Variants in ITPR2 observed in about 807,000 individuals in gnomAD.
The protein encoded by ITPR2 is inositol 1,4,5-trisphosphate receptor type 2, also known as inositol 1,4,5-trisphosphate-gated calcium channel ITPR2.
In ITPR2, 207 loss-of-function variants were observed where a neutral mutation model predicts 317.1. The observed-to-expected ratio is 0.65, with a 90% confidence interval of 0.58 to 0.73. ITPR2 has a LOEUF of 0.73. Ranked by LOEUF, ITPR2 falls within the 30% of genes least tolerant of loss-of-function variation. The pLI is 0.00. For missense variants in ITPR2, 2,613 were observed against 3,284.0 expected, an observed-to-expected ratio of 0.80 and a Z score of 4.99; for synonymous variants, 1,156 against 1,149.1, an observed-to-expected ratio of 1.01 and a Z score of -0.12.
At chr12:26,497,459 T>C (rs1942964592) in intron 37 of ITPR2, among the ~76,000 whole-genome samples, 1 of 36,652 alleles carries the variant, frequency 2.7e-5, no homozygotes, top group Non-Finnish European at 8.8e-5. Context: ...CACAAAGCCT[T>C]CTATGTCTTA....
At chr12:26,565,394 A>G (rs12369023) in intron 34 of ITPR2, among the ~76,000 whole-genome samples, 99,458 of 151,758 alleles carry the variant, frequency 0.66, 34,177 homozygotes, top group Non-Finnish European at 0.78. Context: ...CATATTTAAA[A>G]TTATAATGAT....
chr12:26,711,563 C>G (rs1948642419), intron 8 of ITPR2, among the ~76,000 whole-genome samples: 1 of 152,094 alleles, frequency 6.6e-6, no homozygotes. Flanking sequence ...ATTTTCTTCC[C>G]TTTGTTTTTC....
chr12:26,707,627 G>C (rs1407519858), intron 9 of ITPR2, among the ~76,000 whole-genome samples: 3 of 152,162 alleles, frequency 2.0e-5, no homozygotes, highest in African/African-American at 7.2e-5. Context: ...CACCTCCCAG[G>C]TTCAAGCAAT....
intron 52 of ITPR2, 122 bp downstream of exon 52, chr12:26,411,198 C>A: frequency 1.5e-6 from 1 of 660,030 alleles, no homozygotes; most frequent in Non-Finnish European, 2.6e-6. Context: ...CTTTTACTCT[C>A]TATTCTTCTA....
intron 2 of ITPR2, among the ~76,000 whole-genome samples, chr12:26,727,453 C>G (rs1948949848): frequency 6.6e-6 from 1 of 152,214 alleles, no homozygotes; most frequent in African/African-American, 2.4e-5. Flanking sequence ...TGTTTCTCTT[C>G]ATTATTACAG....
At chr12:26,580,848 T>C (rs1945388206) in intron 32 of ITPR2, among the ~76,000 whole-genome samples, 2 of 152,192 alleles carry the variant, frequency 1.3e-5, no homozygotes, top group Non-Finnish European at 2.9e-5. Context: ...CAGTAATTGG[T>C]CATTTTGCAT....
intron 24 of ITPR2, among the ~76,000 whole-genome samples, chr12:26,622,862 G>T (rs1257106539): frequency 6.6e-6 from 1 of 152,188 alleles, no homozygotes; most frequent in Non-Finnish European, 1.5e-5. Context: ...AGTGGCCACA[G>T]GTGTGGCGTA....
chr12:26,659,352 T>A, intron 15 of ITPR2, 67 bp from the exon 16 acceptor site: 1 of 1,298,532 alleles, frequency 7.7e-7, no homozygotes, highest in South Asian at 1.3e-5. Flanking sequence ...TCTATTAGGG[T>A]CAACAACATT....
At position 26,443,617 on chromosome 12, in the gene ITPR2, G is replaced by A; in HGVS notation, c.6376C>T (p.Leu2126Phe). ...TCATCTGGATCCGATCCTGGTTTGA[G>A]CATCTGCTGCAACAGTTTATTGTGG... ...ARHNKLLQQM[L>F]KPGSDPDEGD... is the part of the protein sequence containing the mutation. The change falls in exon 46 of 57, where the codon CTC (leucine) becomes TTC (phenylalanine). Residue 2126 changes from leucine (L) to phenylalanine (F), a missense_variant. Physicochemically the swap from Leu to Phe is conservative, Grantham distance 22 (BLOSUM62 0). Around this residue, in one of 9 missense-constraint regions of ITPR2, gnomAD observed 926 missense variants for 1,072.8 expected, o/e 0.86. Coordinates refer to ENST00000381340, the MANE Select transcript of ITPR2 (RefSeq NM_002223.4). 1.2e-6 allele frequency: 2 copies of A among 1,613,098 alleles called. No individual in the cohort carries two copies. Among genetic ancestry groups the A allele is most frequent in the South Asian group, 1.1e-5 (1 of 91,058 alleles).
intron 42 of ITPR2, 25 bp from the exon 43 acceptor site, chr12:26,481,266 T>C (rs937140261): frequency 1.5e-6 from 2 of 1,323,038 alleles, no homozygotes; most frequent in Non-Finnish European, 2.2e-6. Context: ...ATTTGTAAAA[T>C]ATCATTTTAT....
In ITPR2 at chr12:26,656,442, C is replaced by T. The variant is rs1947369174; in HGVS notation, c.2299G>A (p.Asp767Asn). 6.2e-7 allele frequency: 1 copy of T among 1,614,214 alleles called. No individual in the cohort carries two copies. The highest frequency in any genetic ancestry group is 1.3e-5 in the African/African-American group (1 of 75,068). The change falls in exon 19 of 57, where the codon GAT (aspartate) becomes AAT (asparagine). Residue 767 changes from aspartate to asparagine, a missense_variant. Physicochemically the swap from Asp to Asn is conservative, Grantham distance 23. Transcript: ENST00000381340. The part of the protein sequence containing the change: ...SVDLILRCVS[D>N]ESLPFDLRAS... ...CGGAGGTCGAACGGCAGGCTCTCAT[C>T]CGACACACACCGCAGGATCAGGTCT...
At chr12:26,568,703 A>G (rs1049246059) in intron 34 of ITPR2, among the ~76,000 whole-genome samples, 16 of 152,200 alleles carry the variant, frequency 1.1e-4, no homozygotes, top group African/African-American at 3.6e-4. Context: ...AAGTGTAAGC[A>G]TTAATTAGAA....
chr12:26,623,388 A>G (rs188045603), intron 24 of ITPR2: 1 of 152,334 alleles, frequency 6.6e-6, no homozygotes, highest in East Asian at 1.9e-4. Context: ...CTGCAGGGTC[A>G]CAGAGCTTGT....
chr12:26,561,967 T>C lies in ITPR2; in HGVS notation c.4631-15A>G. ...ACGATTTTTTGCTGAAAAAGAAAGA[T>C]TTAAAATATTTCCCTCTTAATTTGA... On this transcript the variant is annotated splice_polypyrimidine_tract_variant and intron_variant, in intron 34 of 56. Transcript: ENST00000381340. 6.7e-7 allele frequency: 1 copy of C among 1,492,664 alleles called. No homozygotes were observed. The highest frequency in any genetic ancestry group is 1.4e-5 in the South Asian group (1 of 71,136). The allele number at this position is 1,492,664 out of a possible 1,614,324, so 92.5% of individuals were successfully genotyped here. A position where few individuals can be genotyped will look rare whatever the true frequency, so the allele number is the denominator to read the frequency against.
At chr12:26,704,755 C>T (rs1948520292) in intron 9 of ITPR2, among the ~76,000 whole-genome samples, 1 of 152,098 alleles carries the variant, frequency 6.6e-6, no homozygotes, top group African/African-American at 2.4e-5. Context: ...AATATACATT[C>T]TTAACTTTTT....
chr12:26,620,874 G>A (rs1419486808), intron 26 of ITPR2, among the ~76,000 whole-genome samples: 3 of 152,034 alleles, frequency 2.0e-5, no homozygotes, highest in Non-Finnish European at 4.4e-5. Flanking sequence ...CTGAATTATA[G>A]AATTTACCGT....
At chr12:26,702,260 T>A (rs148649191) in intron 9 of ITPR2, among the ~76,000 whole-genome samples, 22 of 152,164 alleles carry the variant, frequency 1.4e-4, no homozygotes, top group African/African-American at 5.3e-4. Context: ...GAAACCAACA[T>A]TGCAAGAGAA....
At chr12:26,600,311 T>G (rs1286430248) in intron 28 of ITPR2, among the ~76,000 whole-genome samples, 1 of 152,132 alleles carries the variant, frequency 6.6e-6, no homozygotes, top group Non-Finnish European at 1.5e-5. Flanking sequence ...CACCTTCTCT[T>G]GGTTATTCCT....
intron 37 of ITPR2, among the ~76,000 whole-genome samples, chr12:26,517,288 C>A (rs938611830): frequency 1.3e-5 from 2 of 152,132 alleles, no homozygotes; most frequent in Non-Finnish European, 2.9e-5. Flanking sequence ...AATATTTGCA[C>A]ACTCTGCATC....
Sources: gnomAD v4.1 joint callset for allele counts (sites outside exome capture counted in the v4.1 genomes callset) on GRCh38, gnomAD v4.1.1 for gene constraint, gnomAD v4.1.1 regional missense constraint, MANE v1.5 for transcripts, NCBI Gene and HGNC (gene_info 2026-07-23, HGNC 2026-07-21) for gene names.